The following CPM variants were observed in gnomAD, a reference collection of about 807,000 sequenced individuals.
CPM encodes the protein renal carboxypeptidase.
CPM carries 35 observed loss-of-function variants against 46.4 expected under a neutral mutation model. The ratio of observed to expected loss-of-function variants is 0.75; its 90% confidence interval spans 0.58 to 1.00. The LOEUF (loss-of-function observed/expected upper bound fraction) is 1.00. Among genes scored for constraint, CPM ranks in the 50% least tolerant of loss-of-function variants. The probability of loss-of-function intolerance (pLI) is 0.00; values close to 1 mark genes in which losing one functional copy is unlikely to be tolerated. For missense variants in CPM, 422 were observed against 530.4 expected (o/e 0.80, Z 2.01); for synonymous variants, 195 against 195.3 (o/e 1.00, Z 0.01).
At chr12:68,844,298 G>GAATGGCC (rs1164204496) in intron 5 of CPM, 4 of 221,224 alleles carry the variant, frequency 1.8e-5, no homozygotes, top group Admixed American at 5.8e-5. Flanking sequence ...TCTTTTTCTG[G>GAATGGCC]AATGGCCATG....
At chr12:68,931,335 A>C (rs556754853) in intron 2 of CPM, among the ~76,000 whole-genome samples, 57 of 152,316 alleles carry the variant, frequency 3.7e-4, no homozygotes, top group Non-Finnish European at 6.0e-4. Flanking sequence ...GTTTGAACAC[A>C]CCTTACAAAA....
At chr12:68,937,523 G>A (rs1888691000), upstream of CPM, among the ~76,000 whole-genome samples, 1 of 152,054 alleles carries the variant, frequency 6.6e-6, no homozygotes, top group African/African-American at 2.4e-5. Flanking sequence ...AGACACCCTG[G>A]GTTAAAGAAT....
chr12:68,950,439 T>G (rs887416664), intron 1 of CPM, among the ~76,000 whole-genome samples: 10 of 152,196 alleles, frequency 6.6e-5, no homozygotes, highest in African/African-American at 9.7e-5. Flanking sequence ...AGATTTATAT[T>G]GTATCAATTT....
chr12:68,886,644 A>G (rs961541247), intron 2 of CPM, among the ~76,000 whole-genome samples: 1 of 152,228 alleles, frequency 6.6e-6, no homozygotes, highest in African/African-American at 2.4e-5. Flanking sequence ...AAATAAATAA[A>G]TAAATAAATA....
At chr12:68,920,810 A>G (rs1888008412) in intron 2 of CPM, among the ~76,000 whole-genome samples, 1 of 143,104 alleles carries the variant, frequency 7.0e-6, no homozygotes, top group African/African-American at 2.6e-5. Context: ...CCCGCCTCAG[A>G]CTCCAGAGTA....
chr12:68,928,897 G>C (rs541558377), intron 2 of CPM, among the ~76,000 whole-genome samples: 1 of 146,884 alleles, frequency 6.8e-6, no homozygotes, highest in South Asian at 2.3e-4. Flanking sequence ...GCACCATTAT[G>C]CCTGGTTAAT....
intron 2 of CPM, among the ~76,000 whole-genome samples, chr12:68,921,229 C>T (rs143989082): frequency 6.2e-4 from 94 of 151,626 alleles, no homozygotes; most frequent in African/African-American, 2.2e-3. Context: ...GCAACCTCCA[C>T]CTCCCGGGTT....
rs570583724 is a variant in CPM at position 68,862,782 on chromosome 12, T to C, written c.941-3711A>G. On this transcript the variant is annotated intron_variant, in intron 7 of 8. Transcript: ENST00000551568. ...TTTACCAGAAAATGTGATTTATTTC[T>C]ATATGCTGAAGTTGAAACATTGAAA... Among the ~76,000 whole-genome samples the C allele has an allele frequency of 5.9e-5, 9 of 151,958 alleles. No individual in the cohort carries two copies. In the South Asian group the frequency reaches 8.3e-4, roughly 14 times the overall value.
At chr12:68,901,689 T>C (rs1171322281) in intron 2 of CPM, among the ~76,000 whole-genome samples, 1 of 152,202 alleles carries the variant, frequency 6.6e-6, no homozygotes, top group Non-Finnish European at 1.5e-5. Flanking sequence ...TCAGTAAAGT[T>C]TGAGTGTTGG....
intron 1 of CPM, among the ~76,000 whole-genome samples, chr12:68,961,686 G>A (rs1889114467): frequency 6.6e-6 from 1 of 152,198 alleles, no homozygotes; most frequent in South Asian, 2.1e-4. Context: ...GGCAGAGGCA[G>A]GTGGATCACT....
At chr12:68,923,571 G>A (rs1321963881) in intron 2 of CPM, among the ~76,000 whole-genome samples, 2 of 151,940 alleles carry the variant, frequency 1.3e-5, no homozygotes, top group Non-Finnish European at 2.9e-5. Context: ...TTATCATGCT[G>A]GCATACAATT....
At chr12:68,842,814 TTTC>T (rs1883903565) in intron 5 of CPM, 1 of 198,310 alleles carries the variant, frequency 5.0e-6, no homozygotes, top group African/African-American at 2.3e-5. Flanking sequence ...GATTTTAATA[TTTC>T]TTATTTTGGT....
intron 3 of CPM, 99 bp downstream of exon 3, chr12:68,885,693 G>T: frequency 1.0e-6 from 1 of 957,120 alleles, no homozygotes; most frequent in Non-Finnish European, 1.6e-6. Context: ...GCATGCTGGA[G>T]ACTTCTCCAG....
chr12:68,937,119 G>A (rs1309934803), upstream of CPM, among the ~76,000 whole-genome samples: 1 of 152,218 alleles, frequency 6.6e-6, no homozygotes, highest in Non-Finnish European at 1.5e-5. Context: ...CAATCTTTCT[G>A]GAGGGAAATC....
At chr12:68,936,933 A>T (rs918335714), upstream of CPM, among the ~76,000 whole-genome samples, 2 of 152,228 alleles carry the variant, frequency 1.3e-5, no homozygotes, top group African/African-American at 2.4e-5. Flanking sequence ...ATAGCTAATA[A>T]ATATAGTAAA....
chr12:68,842,888 T>C (rs1883911044), intron 5 of CPM: 1 of 206,938 alleles, frequency 4.8e-6, no homozygotes, highest in African/African-American at 2.3e-5. Context: ...CTGGACTGTT[T>C]TGATCTCTTT....
chr12:68,871,718 C>CAGGT lies in CPM; in HGVS notation c.431+62_431+65dup, dbSNP rs1885704409. The CAGGT allele has an allele frequency of 5.8e-6, 9 of 1,554,052 alleles. No homozygotes were observed. The East Asian group carries it at 2.0e-4, about 35-fold the overall frequency. ...ACACATCTCCTCTTGCCAAGGCCAA[C>CAGGT]AGGTGCCTGTCGGGAGCCTTTGTGT... is the stretch of plus-strand genomic sequence containing the variant. On this transcript the variant is annotated intron_variant, in intron 4 of 8. Transcript: ENST00000551568.
intron 1 of CPM, among the ~76,000 whole-genome samples, chr12:68,953,626 C>T (rs1236126094): frequency 6.6e-6 from 1 of 152,158 alleles, no homozygotes; most frequent in Non-Finnish European, 1.5e-5. Context: ...CAGTGGCAAT[C>T]CAGACAAGCT....
rs184716811 is a variant in CPM at position 68,931,732 on chromosome 12, C to T, written c.160+946G>A. On this transcript the variant is annotated intron_variant, in intron 2 of 8. Transcript: ENST00000551568. The stretch of plus-strand genomic sequence containing the variant: ...CTGCACTCCAGCCTGGGCAACAGAG[C>T]GAGACTCTGACCAAAAAAAAAAAAA... Among the ~76,000 whole-genome samples the T allele has an allele frequency of 4.3e-3, 479 of 110,384 alleles. 3 individuals carry two copies. Among genetic ancestry groups the T allele is most frequent in the African/African-American group, 0.017 (452 of 26,396 alleles). The allele number at this position is 110,384 out of a possible 152,430, so 72.4% of individuals were successfully genotyped here. A position where few individuals can be genotyped will look rare whatever the true frequency, so the allele number is the denominator to read the frequency against.
Sources: gnomAD v4.1 joint callset for allele counts (sites outside exome capture counted in the v4.1 genomes callset) on GRCh38, gnomAD v4.1.1 for gene constraint, MANE v1.5 for transcripts, NCBI Gene and HGNC (gene_info 2026-07-23, HGNC 2026-07-21) for gene names.